CRTAM: variants seen among roughly 807,000 people sequenced by gnomAD.
CRTAM encodes cytotoxic and regulatory T cell molecule.
In CRTAM, 44 loss-of-function variants were observed where a neutral mutation model predicts 50.0. That is an observed-to-expected ratio of 0.88 (90% confidence interval 0.69 to 1.13). The LOEUF is 1.13. CRTAM is among the 50% of genes most tolerant of loss of function. The pLI, the probability that CRTAM is intolerant of heterozygous loss-of-function variation, is 0.00. For missense variants in CRTAM, 448 were observed against 457.5 expected (o/e 0.98, Z 0.19); for synonymous variants, 159 against 169.3 (o/e 0.94, Z 0.47).
chr11:122,872,038 G>C lies in CRTAM; in HGVS notation c.*639G>C, dbSNP rs1862262451. ...TAGTCTCAGATACTTGGGAGGCTGA[G>C]GGTGGAGAATCGCTTGAACCTGGGA... On this transcript the variant is annotated 3_prime_UTR_variant, in exon 10 of 10. Transcript: ENST00000227348. 1.3e-5 allele frequency: 2 copies of C among 152,270 alleles called. No homozygotes were observed. The highest frequency in any genetic ancestry group is 4.8e-5 in the African/African-American group (2 of 41,422). 9.4% of individuals were successfully genotyped at this position (152,270 alleles called of 1,614,324 possible).
rs554830412 is a variant in CRTAM, at chr11:122,852,226, T to G, written c.346+381T>G. Reference sequence around the variant, plus strand: ...ACCAGCTCAGGAAGAAAAACATGTATGCAAATGAAGTGGAACCTCATGACA... The same window carrying G: ...ACCAGCTCAGGAAGAAAAACATGTAGGCAAATGAAGTGGAACCTCATGACA... On this transcript the variant is annotated intron_variant, in intron 3 of 9. Transcript: ENST00000227348. 1.4e-4 allele frequency among the ~76,000 whole-genome samples: 21 copies of G among 152,296 alleles called. 1 individual carries two copies. Among genetic ancestry groups the G allele is most frequent in the Admixed American group, 2.6e-4 (4 of 15,302 alleles).
intron 1 of CRTAM, among the ~76,000 whole-genome samples, chr11:122,842,428 C>T (rs965936201): frequency 6.6e-6 from 1 of 152,156 alleles, no homozygotes; most frequent in Non-Finnish European, 1.5e-5. Flanking sequence ...CAGGTGCCTG[C>T]CACCATCCCT....
chr11:122,867,867 A>G (rs753430631), intron 8 of CRTAM, 146 bp from the exon 9 acceptor site: 12 of 635,516 alleles, frequency 1.9e-5, no homozygotes, highest in Admixed American at 8.6e-5. Context: ...ATCAAAAACT[A>G]TGTGTTGAAT....
chr11:122,867,640 T>C, intron 8 of CRTAM, 85 bp downstream of exon 8: 1 of 1,329,796 alleles, frequency 7.5e-7, no homozygotes, highest in East Asian at 2.4e-5. Flanking sequence ...ATTAAAGCTT[T>C]CTGTCAGACA....
chr11:122,866,622 T>C (rs77947214), intron 7 of CRTAM, among the ~76,000 whole-genome samples: 2 of 142,432 alleles, frequency 1.4e-5, no homozygotes, highest in Non-Finnish European at 3.2e-5. Flanking sequence ...TTTTTTTTTT[T>C]AAGAGACAGG....
At chr11:122,857,667 A>G (rs940704592) in intron 5 of CRTAM, among the ~76,000 whole-genome samples, 2 of 152,156 alleles carry the variant, frequency 1.3e-5, no homozygotes, top group Non-Finnish European at 2.9e-5. Flanking sequence ...TGTTCACCCA[A>G]TTAGGTAAAA....
At chr11:122,864,192 T>C (rs1239746002) in intron 6 of CRTAM, among the ~76,000 whole-genome samples, 1 of 152,206 alleles carries the variant, frequency 6.6e-6, no homozygotes, top group Non-Finnish European at 1.5e-5. Flanking sequence ...TCTTGAAGCA[T>C]CCTAAAGACC....
Position 122,854,091 on chromosome 11 carries a change from G to T in CRTAM, c.490+5G>T. ...GGAATAGCATGGAAGTGTCCGGTAAGGGGAGAAATGGTTCTCTTTGTCTTC... is the reference window on the plus strand; with the variant it reads ...GGAATAGCATGGAAGTGTCCGGTAATGGGAGAAATGGTTCTCTTTGTCTTC... On this transcript the variant is annotated splice_donor_5th_base_variant and intron_variant, in intron 4 of 9. Coordinates refer to ENST00000227348, the MANE Select transcript of CRTAM (RefSeq NM_019604.4). The T allele has an allele frequency of 6.2e-7, 1 of 1,605,818 alleles. No homozygotes were observed. The highest frequency in any genetic ancestry group is 2.2e-5 in the East Asian group (1 of 44,770).
chr11:122,838,541 C>G lies in CRTAM; in HGVS notation c.-6C>G. ...TGACAAAGGTGCCACAGCAGCACAGCACAGTATGTGGTGGAGAGTTCTCAG... is the reference window on the plus strand; with the variant it reads ...TGACAAAGGTGCCACAGCAGCACAGGACAGTATGTGGTGGAGAGTTCTCAG... On this transcript the variant is annotated 5_prime_UTR_variant, in exon 1 of 10. Coordinates refer to ENST00000227348, the MANE Select transcript of CRTAM (RefSeq NM_019604.4). 1 of 1,614,106 alleles carries G rather than the reference C, an allele frequency of 6.2e-7. No individual in the cohort carries two copies. The highest frequency in any genetic ancestry group is 2.2e-5 in the East Asian group (1 of 44,892).
At chr11:122,845,993 G>A (rs776751512) in intron 1 of CRTAM, among the ~76,000 whole-genome samples, 1 of 151,968 alleles carries the variant, frequency 6.6e-6, no homozygotes. Flanking sequence ...TCCAGCCAGA[G>A]AATGATACAG....
chr11:122,839,279 C>A (rs958760331), intron 1 of CRTAM, among the ~76,000 whole-genome samples: 2 of 152,118 alleles, frequency 1.3e-5, no homozygotes, highest in Non-Finnish European at 2.9e-5. Flanking sequence ...CTTAGCCAAA[C>A]GATTTAATCT....
chr11:122,868,875 G>A (rs2135257444), intron 9 of CRTAM, among the ~76,000 whole-genome samples: 1 of 152,252 alleles, frequency 6.6e-6, no homozygotes, highest in South Asian at 2.1e-4. Flanking sequence ...CGGGCATGGT[G>A]GCAGGAGCCT....
At chr11:122,851,627 C>T (rs1861930705) in intron 2 of CRTAM, 66 bp from the exon 3 acceptor site, 2 of 1,480,134 alleles carry the variant, frequency 1.4e-6, no homozygotes, top group South Asian at 1.2e-5. Context: ...CTGGCATCTA[C>T]TGGGTAGAGG....
rs1861974309 is a variant in CRTAM, at chr11:122,854,177, T to TG, written c.490+92dup. On this transcript the variant is annotated intron_variant, in intron 4 of 9. Coordinates refer to ENST00000227348, the MANE Select transcript of CRTAM (RefSeq NM_019604.4). ...TTTGGCACCCTCTAGTGGCAGACAA[T>TG]GCCAGAAGACATCATTTAATATTTC... The TG allele has an allele frequency of 2.4e-6, 3 of 1,270,868 alleles. No individual in the cohort carries two copies. The African/African-American group carries it at 4.5e-5, about 19-fold the overall frequency. 78.7% of individuals were successfully genotyped at this position (1,270,868 alleles called of 1,614,324 possible).
intron 5 of CRTAM, 59 bp from the exon 6 acceptor site, chr11:122,862,405 C>A: frequency 9.6e-7 from 1 of 1,041,242 alleles, no homozygotes; most frequent in Non-Finnish European, 1.5e-6. Context: ...TTTTACTGAG[C>A]ACAATGTGGG....
chr11:122,862,533 C>T lies in CRTAM; in HGVS notation c.722C>T (p.Pro241Leu). The change falls in exon 6 of 10, where the codon CCC (proline) becomes CTC (leucine). Residue 241 changes from proline (P) to leucine (L), a missense_variant. Coordinates refer to ENST00000227348, the MANE Select transcript of CRTAM (RefSeq NM_019604.4). Reference sequence around the variant, plus strand: ...CTATCCTCTCAAGACCCACAGCAGCCCACCAGTACTGGTAAGTGTCAAAAT... The same window carrying T: ...CTATCCTCTCAAGACCCACAGCAGCTCACCAGTACTGGTAAGTGTCAAAAT... ...NSLSSQDPQQ[P>L]TSTVSVTEDS... 6.3e-7 allele frequency: 1 copy of T among 1,598,996 alleles called. No homozygotes were observed. The highest frequency in any genetic ancestry group is 8.6e-7 in the Non-Finnish European group (1 of 1,166,410).
At chr11:122,850,461 C>T (rs1861916649) in intron 2 of CRTAM, among the ~76,000 whole-genome samples, 1 of 152,202 alleles carries the variant, frequency 6.6e-6, no homozygotes, top group African/African-American at 2.4e-5. Context: ...TTACAAAGCA[C>T]ATTTCCATGT....
At chr11:122,839,815 T>C (rs897125183) in intron 1 of CRTAM, among the ~76,000 whole-genome samples, 6 of 152,246 alleles carry the variant, frequency 3.9e-5, no homozygotes, top group African/African-American at 1.4e-4. Flanking sequence ...TGGAATGGCA[T>C]CTGAAGGACG....
At chr11:122,847,561 C>A (rs1176882922) in intron 1 of CRTAM, among the ~76,000 whole-genome samples, 1 of 152,150 alleles carries the variant, frequency 6.6e-6, no homozygotes, top group Non-Finnish European at 1.5e-5. Context: ...TGGGTGACTG[C>A]CTCAACAGGA....
Sources: allele counts gnomAD v4.1 joint callset (sites outside exome capture counted in the v4.1 genomes callset), GRCh38; gene constraint gnomAD v4.1.1; transcripts MANE v1.5; gene names NCBI Gene and HGNC (gene_info 2026-07-23, HGNC 2026-07-21).